The following ADAMTSL4 variants were observed in gnomAD, a reference collection of about 807,000 sequenced individuals.
ADAMTSL4 encodes the protein ADAMTS-like protein 4.
ADAMTSL4 carries 97 observed loss-of-function variants against 122.8 expected under a neutral mutation model. The ratio of observed to expected loss-of-function variants is 0.79; its 90% CI spans 0.67 to 0.93. ADAMTSL4 has a LOEUF of 0.93. Ranked by LOEUF, ADAMTSL4 falls within the 40% of genes least tolerant of loss-of-function variation. The pLI is 0.00. For missense variants in ADAMTSL4, 1,408 were observed against 1,453.5 expected, an observed-to-expected ratio of 0.97 and a Z score of 0.51; for synonymous variants, 592 against 568.0, an observed-to-expected ratio of 1.04 and a Z score of -0.60.
rs911666795 is a variant in ADAMTSL4 at position 150,553,111 on chromosome 1, CG to C, written c.296del (p.Gly99AlafsTer34). ...AAGACATCCAGAAGCCCTCCTCCCC[CG>C]GGGCCAGGGTCCCAGACCCCAGACT... ...PPRHPEALLP[R>X]GQGPRPQTSP... On this transcript the variant is annotated frameshift_variant, in exon 5 of 19. Coordinates refer to ENST00000271643, the MANE Select transcript of ADAMTSL4 (RefSeq NM_019032.6). LOFTEE classifies it high-confidence loss of function. The C allele has an allele frequency of 7.4e-6, 12 of 1,613,184 alleles. No individual in the cohort carries two copies. The highest frequency in any genetic ancestry group is 1.0e-5 in the Non-Finnish European group (12 of 1,179,738).
In ADAMTSL4 at chr1:150,549,733, AACCAAAATTCCTCCTAAGTC is replaced by A. The variant is rs1671210871; in HGVS notation, c.-158-86_-158-67del. On this transcript the variant is annotated intron_variant, in intron 1 of 18. Coordinates refer to ENST00000271643, the MANE Select transcript of ADAMTSL4 (RefSeq NM_019032.6). This position sits in a 1 kb window ranked among gnomAD's most constrained non-coding sequence, Gnocchi z 5.0. ...GGCCCCATCACCCGGGCGGGGAGTG[AACCAAAATTCCTCCTAAGTC>A]ACATAGTAAAGTTGGAAAACAGACC... The A allele has an allele frequency of 6.5e-6, 1 of 152,758 alleles. No individual in the cohort carries two copies. The highest frequency in any genetic ancestry group is 6.5e-5 in the Admixed American group (1 of 15,332). 9.5% of individuals were successfully genotyped at this position (152,758 alleles called of 1,614,324 possible). A position where few individuals can be genotyped will look rare whatever the true frequency, so the allele number is the denominator to read the frequency against.
intron 15 of ADAMTSL4, 135 bp from the exon 16 acceptor site, chr1:150,558,827 G>T: frequency 6.5e-7 from 1 of 1,538,918 alleles, no homozygotes; most frequent in South Asian, 1.2e-5. Context: ...AGGATTCCTC[G>T]TCCGGGCCTG....
rs746118823 is a variant in ADAMTSL4 at position 150,556,742 on chromosome 1, A to AG, written c.1702dup (p.Glu568GlyfsTer6). On this transcript the variant is annotated frameshift_variant, in exon 10 of 19. Coordinates refer to ENST00000271643, the MANE Select transcript of ADAMTSL4 (RefSeq NM_019032.6). LOFTEE classifies it high-confidence loss of function. The surrounding 1 kb of genome is among the most constrained non-coding windows in gnomAD (Gnocchi z 4.1). ...ACCGTCCTCCCAGGGAGGAGGGCAAAGGGGAGAGTCTGTCGGCTGAAGGCC... is the reference window on the plus strand; with the variant it reads ...ACCGTCCTCCCAGGGAGGAGGGCAAAGGGGGAGAGTCTGTCGGCTGAAGGCC... The AG allele has an allele frequency of 1.2e-6, 2 of 1,613,552 alleles. No homozygotes were observed. The highest frequency in any genetic ancestry group is 1.7e-6 in the Non-Finnish European group (2 of 1,179,788).
Position 150,555,642 on chromosome 1 carries a change from T to TACAC in ADAMTSL4, c.1371+81_1371+84dup, listed in dbSNP as rs149100901. On this transcript the variant is annotated intron_variant, in intron 8 of 18. Transcript: ENST00000271643. ...ACATGCCCCCATATGCATACACATGTACACACATATGTATGAACACATGCA... is the reference window on the plus strand; with the variant it reads ...ACATGCCCCCATATGCATACACATGTACACACACACATATGTATGAACACATGCA... 1,008,696 of 1,572,812 alleles carry TACAC rather than the reference T, an allele frequency of 0.64. 326,934 individuals carry two copies. Among genetic ancestry groups the TACAC allele is most frequent in the East Asian group, 0.83 (36,326 of 43,924 alleles).
At position 150,554,527 on chromosome 1, in the gene ADAMTSL4, G is replaced by A; in HGVS notation, c.1234+60G>A. 6.2e-7 allele frequency: 1 copy of A among 1,606,204 alleles called. No individual in the cohort carries two copies. Among genetic ancestry groups the A allele is most frequent in the South Asian group, 1.1e-5 (1 of 90,072 alleles). ...CTTGGAATTGGGGATGAAGGGGAGA[G>A]GAGATACCTGCTTACTCCCAGCCCT... On this transcript the variant is annotated intron_variant, in intron 7 of 18. Coordinates refer to ENST00000271643, the MANE Select transcript of ADAMTSL4 (RefSeq NM_019032.6). The surrounding 1 kb of genome is among the most constrained non-coding windows in gnomAD (Gnocchi z 4.0).
rs1420770410 is a variant in ADAMTSL4 at position 150,552,118 on chromosome 1, C to T, written c.-84-87C>T. 1.5e-6 allele frequency: 1 copy of T among 674,756 alleles called. No individual in the cohort carries two copies. The allele number at this position is 674,756 out of a possible 1,614,324, so 41.8% of individuals were successfully genotyped here. On this transcript the variant is annotated intron_variant, in intron 2 of 18. Coordinates refer to ENST00000271643, the MANE Select transcript of ADAMTSL4 (RefSeq NM_019032.6). This position sits in a 1 kb window ranked among gnomAD's most constrained non-coding sequence, Gnocchi z 4.0. ...TCCTAAAGGGATGGACCAGTTTCAC[C>T]CCCTCCTCCATATTCTCTGAGCTGT...
At chr1:150,555,280 GC>G in intron 7 of ADAMTSL4, 148 bp from the exon 8 acceptor site, 1 of 992,236 alleles carries the variant, frequency 1.0e-6, no homozygotes, top group Non-Finnish European at 1.5e-6. Flanking sequence ...GAGCCACTGC[GC>G]CCGGCCCTGA....
rs748247749 is a variant in ADAMTSL4, at chr1:150,554,467, G to A, written c.1234G>A (p.Val412Ile). Reference sequence around the variant, plus strand: ...GTATCAGTGGGAGCCCTTCACTGAAGGTGAGGTTTCTTGCTCACCCCTGGG... The same window carrying A: ...GTATCAGTGGGAGCCCTTCACTGAAAGTGAGGTTTCTTGCTCACCCCTGGG... ...QLYQWEPFTEVQGSQRCELNC... is the reference protein window; with the variant it reads ...QLYQWEPFTEIQGSQRCELNC... Residue 412 changes from valine (V) to isoleucine (I), a missense_variant and splice_region_variant, in exon 7 of 19, where the codon GTC becomes ATC. Coordinates refer to ENST00000271643, the MANE Select transcript of ADAMTSL4 (RefSeq NM_019032.6). The surrounding 1 kb of genome is among the most constrained non-coding windows in gnomAD (Gnocchi z 4.0). 1.2e-6 allele frequency: 2 copies of A among 1,614,168 alleles called. No individual in the cohort carries two copies. The highest frequency in any genetic ancestry group is 1.1e-5 in the South Asian group (1 of 91,088).
At chr1:150,551,653 C>G (rs1270600054) in intron 2 of ADAMTSL4, 1 of 156,032 alleles carries the variant, frequency 6.4e-6, no homozygotes, top group African/African-American at 2.4e-5. Context: ...CATCCCAGCA[C>G]TTTGGGAGGC....
Position 150,552,927 on chromosome 1 carries a change from T to A in ADAMTSL4, c.108T>A (p.Pro36=), listed in dbSNP as rs751940403. Residue 36 remains proline (P), a synonymous_variant, in exon 5 of 19, where the codon CCT becomes CCA. Coordinates refer to ENST00000271643, the MANE Select transcript of ADAMTSL4 (RefSeq NM_019032.6). This position sits in a 1 kb window ranked among gnomAD's most constrained non-coding sequence, Gnocchi z 4.0. The part of the protein sequence containing the change: ...EVLSGHSLQT[P]TEEGQGPEGV... ...TGTCCGGACACTCTCTTCAGACACC[T>A]ACAGAGGAGGGCCAGGGCCCCGAAG... The A allele has an allele frequency of 1.1e-5, 18 of 1,612,842 alleles. No individual in the cohort carries two copies. Among genetic ancestry groups the A allele is most frequent in the Non-Finnish European group, 1.5e-5 (18 of 1,179,984 alleles).
At position 150,556,281 on chromosome 1, in the gene ADAMTSL4, C is replaced by A; in HGVS notation, c.1491C>A (p.Pro497=). ...GGAACCTCACTGACCGAGGGGGCCC[C>A]CTGGGCTATCAGAAGATCTTGTGGA... ...VSGNLTDRGG[P]LGYQKILWIP... Residue 497 remains proline, a synonymous_variant, in exon 9 of 19, where the codon CCC becomes CCA. Coordinates refer to ENST00000271643, the MANE Select transcript of ADAMTSL4 (RefSeq NM_019032.6). This position sits in a 1 kb window ranked among gnomAD's most constrained non-coding sequence, Gnocchi z 4.1. The A allele has an allele frequency of 6.2e-7, 1 of 1,614,138 alleles. No individual in the cohort carries two copies. The highest frequency in any genetic ancestry group is 2.2e-5 in the East Asian group (1 of 44,886).
Position 150,553,262 on chromosome 1 carries a change from C to T in ADAMTSL4, c.434+9C>T, listed in dbSNP as rs1671625535. 5.0e-6 allele frequency: 8 copies of T among 1,610,292 alleles called. No individual in the cohort carries two copies. The highest frequency in any genetic ancestry group is 6.8e-6 in the Non-Finnish European group (8 of 1,178,074). On this transcript the variant is annotated intron_variant, in intron 5 of 18. Transcript: ENST00000271643. ...ATTCGAGCGGCCAGGAGGTGAGAGG[C>T]CTGGGTGGAAGAGGTGGGCCTTGGG...
rs773497852 is a variant in ADAMTSL4 at position 150,559,387 on chromosome 1, A to G, written c.2864A>G (p.His955Arg). The G allele has an allele frequency of 5.0e-6, 8 of 1,612,552 alleles. No homozygotes were observed. The African/African-American group carries it at 1.1e-4, about 22-fold the overall frequency. ...GTGACTTCTCCGAGCAACTGTTCTC[A>G]CCTCCCCAGGCCCCCTGCCCTGCAG... The part of the protein sequence containing the change: ...FNVTSPSNCS[H>R]LPRPPALQPC... Residue 955 changes from histidine (H) to arginine (R), a missense_variant, in exon 17 of 19, where the codon CAC becomes CGC. Physicochemically the swap from His to Arg is conservative, Grantham distance 29. Coordinates refer to ENST00000271643, the MANE Select transcript of ADAMTSL4 (RefSeq NM_019032.6). This position sits in a 1 kb window ranked among gnomAD's most constrained non-coding sequence, Gnocchi z 4.1.
At chr1:150,553,276 G>C in intron 5 of ADAMTSL4, 23 bp downstream of exon 5, 2 of 1,610,932 alleles carry the variant, frequency 1.2e-6, no homozygotes, top group South Asian at 2.2e-5. Flanking sequence ...GGTGGAAGAG[G>C]TGGGCCTTGG....
chr1:150,549,453 G>A lies in ADAMTSL4; in HGVS notation c.-205G>A, dbSNP rs1260920497. 1 of 152,230 alleles carries A rather than the reference G, an allele frequency of 6.6e-6. No homozygotes were observed. The highest frequency in any genetic ancestry group is 2.4e-5 in the African/African-American group (1 of 41,442). 9.4% of individuals were successfully genotyped at this position (152,230 alleles called of 1,614,324 possible). A position where few individuals can be genotyped will look rare whatever the true frequency, so the allele number is the denominator to read the frequency against. On this transcript the variant is annotated 5_prime_UTR_variant, in exon 1 of 19. Transcript: ENST00000271643. This position sits in a 1 kb window ranked among gnomAD's most constrained non-coding sequence, Gnocchi z 5.0. ...CGGAGCGAGGTTGCCTGGAGAGAGC[G>A]CCTGGGCGCAGAAGGGTTAACGGGC...
intron 2 of ADAMTSL4, chr1:150,550,313 A>C (rs1357120170): frequency 3.2e-6 from 1 of 314,876 alleles, no homozygotes; most frequent in Non-Finnish European, 6.3e-6. Flanking sequence ...TCTGCAGAGG[A>C]GGGGGCATGG....
In ADAMTSL4 at chr1:150,554,801, C is replaced by T. The variant is rs977045953; in HGVS notation, c.1234+334C>T. ...GTGACAGCCAGGTGGGGGTGTGCCA[C>T]GCATCCTGGGCACTGTCGTATCGGT... On this transcript the variant is annotated intron_variant, in intron 7 of 18. Transcript: ENST00000271643. The surrounding 1 kb of genome is among the most constrained non-coding windows in gnomAD (Gnocchi z 4.0). 5.4e-5 allele frequency: 41 copies of T among 763,522 alleles called. No individual in the cohort carries two copies. The highest frequency in any genetic ancestry group is 2.7e-4 in the South Asian group (15 of 55,454). The allele number at this position is 763,522 out of a possible 1,614,324, so 47.3% of individuals were successfully genotyped here. A position where few individuals can be genotyped will look rare whatever the true frequency, so the allele number is the denominator to read the frequency against.
intron 2 of ADAMTSL4, chr1:150,550,690 C>T (rs1049401937): frequency 2.2e-6 from 1 of 454,026 alleles, no homozygotes; most frequent in Non-Finnish European, 4.4e-6. Flanking sequence ...CCTGGCCTCC[C>T]CCGTTCAGTC....
In ADAMTSL4 at chr1:150,556,449, CA is replaced by C. The variant is rs1560295881; in HGVS notation, c.1576+84del. The C allele has an allele frequency of 1.3e-6, 2 of 1,586,754 alleles. No individual in the cohort carries two copies. The highest frequency in any genetic ancestry group is 1.7e-6 in the Non-Finnish European group (2 of 1,160,850). On this transcript the variant is annotated intron_variant, in intron 9 of 18. Transcript: ENST00000271643. The surrounding 1 kb of genome is among the most constrained non-coding windows in gnomAD (Gnocchi z 4.1). ...TACTCAGAGCAGTGAGCAAGCCAAA[CA>C]GGGGGAAGTCCAGGGCCTAGCCCCT...
Sources: allele counts gnomAD v4.1 joint callset, GRCh38; gene constraint gnomAD v4.1.1; non-coding constraint Gnocchi (gnomAD v3.1); transcripts MANE v1.5; gene names NCBI Gene and HGNC (gene_info 2026-07-23, HGNC 2026-07-21).